Variants in PIEZO2 observed in about 807,000 individuals in gnomAD.
PIEZO2 encodes piezo type mechanosensitive ion channel component 2.
A neutral mutation model predicts 337.3 loss-of-function variants in PIEZO2; 172 were observed. The observed-to-expected ratio is 0.51, with a 90% CI of 0.45 to 0.58. The LOEUF (loss-of-function observed/expected upper bound fraction) is 0.58, where lower values mean the gene tolerates loss of function less well. PIEZO2 is among the 20% of genes least tolerant of loss of function. The pLI is 0.00. For missense variants in PIEZO2, 3,028 were observed against 3,391.3 expected (o/e 0.89, Z 2.66); for synonymous variants, 1,251 against 1,228.5 (o/e 1.02, Z -0.38).
chr18:10,762,008 A>G (rs1438815123), intron 23 of PIEZO2, among the ~76,000 whole-genome samples: 1 of 152,212 alleles, frequency 6.6e-6, no homozygotes, highest in Non-Finnish European at 1.5e-5. Context: ...GATTCTCTTT[A>G]TTAAAAACTA....
At chr18:10,900,043 T>C (rs2043004363) in intron 4 of PIEZO2, among the ~76,000 whole-genome samples, 1 of 152,124 alleles carries the variant, frequency 6.6e-6, no homozygotes, top group African/African-American at 2.4e-5. Flanking sequence ...AGAAGAAAAA[T>C]AGATATTTTC....
In PIEZO2 at chr18:10,878,805, C is replaced by T. The variant is rs961667133; in HGVS notation, c.330-7390G>A. On this transcript the variant is annotated intron_variant, in intron 4 of 55. Transcript: ENST00000674853. This position sits in a 1 kb window ranked among gnomAD's most constrained non-coding sequence, Gnocchi z 4.3. ...TTGAAAAAAAAAAAAAATCACATAA[C>T]CAGAACTACAGAAAGACCTGAAGCA... Among the ~76,000 whole-genome samples, 4 of 150,814 alleles carry T rather than the reference C, an allele frequency of 2.7e-5. No homozygotes were observed. The highest frequency in any genetic ancestry group is 9.8e-5 in the African/African-American group (4 of 40,666).
Position 11,129,743 on chromosome 18 carries a change from T to G in PIEZO2, c.64+18782A>C, listed in dbSNP as rs1457544764. 6.6e-6 allele frequency among the ~76,000 whole-genome samples: 1 copy of G among 152,140 alleles called. No homozygotes were observed. The highest frequency in any genetic ancestry group is 1.5e-5 in the Non-Finnish European group (1 of 68,036). On this transcript the variant is annotated intron_variant, in intron 1 of 55. Transcript: ENST00000674853. This position sits in a 1 kb window ranked among gnomAD's most constrained non-coding sequence, Gnocchi z 4.6. ...CTGTGCATTGAGGAAAGGGAAATGA[T>G]CAGACATTTCAGGGACTACTGGCTC...
At chr18:10,918,217 G>A (rs1208533481) in intron 3 of PIEZO2, among the ~76,000 whole-genome samples, 4 of 152,088 alleles carry the variant, frequency 2.6e-5, no homozygotes, top group Non-Finnish European at 5.9e-5. Flanking sequence ...TTTCCCACAT[G>A]AGGTTCATCA....
intron 3 of PIEZO2, among the ~76,000 whole-genome samples, chr18:10,917,562 G>T (rs957625999): frequency 2.0e-5 from 3 of 152,016 alleles, no homozygotes; most frequent in African/African-American, 7.2e-5. Context: ...TTCCCTCTAG[G>T]TTACCTAATG....
rs945292113 is a variant in PIEZO2 at position 10,797,529 on chromosome 18, G to A, written c.1379-7C>T. ...TCTTCCTCCTCTCGCTTTTCTAGAT[G>A]GACGAATACTTTATTTAACTATTTA... On this transcript the variant is annotated splice_polypyrimidine_tract_variant and splice_region_variant and intron_variant, in intron 11 of 55. Coordinates refer to ENST00000674853, the MANE Select transcript of PIEZO2 (RefSeq NM_001378183.1). 8 of 1,535,500 alleles carry A rather than the reference G, an allele frequency of 5.2e-6. No individual in the cohort carries two copies. In the African/African-American group the frequency reaches 9.6e-5, roughly 18 times the overall value.
At chr18:10,749,770 G>T (rs952570649) in intron 29 of PIEZO2, among the ~76,000 whole-genome samples, 1 of 152,198 alleles carries the variant, frequency 6.6e-6, no homozygotes, top group African/African-American at 2.4e-5. Flanking sequence ...CAGCAGGTTT[G>T]AGTGGGCTTC....
chr18:10,769,591 TA>T (rs1333154145), intron 21 of PIEZO2, among the ~76,000 whole-genome samples: 1 of 152,226 alleles, frequency 6.6e-6, no homozygotes, highest in Non-Finnish European at 1.5e-5. Flanking sequence ...ATTTGTTGAA[TA>T]AAAGGAAAGA....
intron 13 of PIEZO2, chr18:10,791,732 C>T (rs2039417592): frequency 6.6e-6 from 1 of 152,562 alleles, no homozygotes; most frequent in African/African-American, 2.4e-5. Context: ...TGCAATGTTC[C>T]TTATTTTGAA....
Position 11,047,752 on chromosome 18 carries a change from C to A in PIEZO2, c.160+18375G>T, listed in dbSNP as rs1352375005. On this transcript the variant is annotated intron_variant, in intron 2 of 55. Transcript: ENST00000674853. This position sits in a 1 kb window ranked among gnomAD's most constrained non-coding sequence, Gnocchi z 7.2. Reference sequence around the variant, plus strand: ...ACAACAACTAAGAGTATGGCTTTGACAGGTGTCCCTGCATCTTAAAAGAGC... The same window carrying A: ...ACAACAACTAAGAGTATGGCTTTGAAAGGTGTCCCTGCATCTTAAAAGAGC... 1.3e-5 allele frequency among the ~76,000 whole-genome samples: 2 copies of A among 152,136 alleles called. No homozygotes were observed. Among genetic ancestry groups the A allele is most frequent in the African/African-American group, 4.8e-5 (2 of 41,448 alleles).
Position 11,112,908 on chromosome 18 carries a change from A to G in PIEZO2, c.64+35617T>C, listed in dbSNP as rs1000683733. The stretch of plus-strand genomic sequence containing the variant: ...CTCAAACAGTCTCTGGGCCCATCTA[A>G]GACTGCCTCCCAGGGTTTTCTCAGG... On this transcript the variant is annotated intron_variant, in intron 1 of 55. Coordinates refer to ENST00000674853, the MANE Select transcript of PIEZO2 (RefSeq NM_001378183.1). This position sits in a 1 kb window ranked among gnomAD's most constrained non-coding sequence, Gnocchi z 4.3. Among the ~76,000 whole-genome samples, 1 of 152,162 alleles carries G rather than the reference A, an allele frequency of 6.6e-6. No individual in the cohort carries two copies. The highest frequency in any genetic ancestry group is 1.5e-5 in the Non-Finnish European group (1 of 68,034).
At chr18:10,735,673 A>G (rs2036967376) in intron 34 of PIEZO2, among the ~76,000 whole-genome samples, 1 of 152,352 alleles carries the variant, frequency 6.6e-6, no homozygotes, top group African/African-American at 2.4e-5. Flanking sequence ...CCGGTCATGA[A>G]GAAACAGACA....
At position 11,112,014 on chromosome 18, in the gene PIEZO2, TG is replaced by T. The variant is rs1290771694; in HGVS notation, c.64+36510del. 6.6e-6 allele frequency among the ~76,000 whole-genome samples: 1 copy of T among 152,214 alleles called. No homozygotes were observed. The highest frequency in any genetic ancestry group is 1.5e-5 in the Non-Finnish European group (1 of 68,028). ...GGGAAAATGGTAGGGGAGCCGTGAATGAAGTTTCATAGTCCTTTATATTAAT... is the reference window on the plus strand; with the variant it reads ...GGGAAAATGGTAGGGGAGCCGTGAATAAGTTTCATAGTCCTTTATATTAAT... On this transcript the variant is annotated intron_variant, in intron 1 of 55. Transcript: ENST00000674853. This position sits in a 1 kb window ranked among gnomAD's most constrained non-coding sequence, Gnocchi z 4.3.
rs1683370 is a variant in PIEZO2 at position 10,815,368 on chromosome 18, A to G, written c.918-8094T>C. On this transcript the variant is annotated intron_variant, in intron 7 of 55. Transcript: ENST00000674853. The surrounding 1 kb of genome is among the most constrained non-coding windows in gnomAD (Gnocchi z 4.1). ...GATTACCTACGTGACCCTGAGTAGG[A>G]CATTTAACCACTTTAAGCCTCAATT... Among the ~76,000 whole-genome samples the G allele has an allele frequency of 0.21, 31,879 of 152,088 alleles. 3,531 individuals are homozygous for G. The highest frequency in any genetic ancestry group is 0.28 in the African/African-American group (11,531 of 41,482).
intron 30 of PIEZO2, 52 bp from the exon 31 acceptor site, chr18:10,744,283 C>T: frequency 8.5e-7 from 1 of 1,174,760 alleles, no homozygotes; most frequent in South Asian, 1.3e-5. Flanking sequence ...CATTGTTGTT[C>T]CCCTTTTCCT....
At chr18:10,978,466 A>G (rs2145481176) in intron 3 of PIEZO2, among the ~76,000 whole-genome samples, 1 of 152,360 alleles carries the variant, frequency 6.6e-6, no homozygotes, top group South Asian at 2.1e-4. Context: ...ATCTTAAAAA[A>G]TCGTCTTGAT....
intron 39 of PIEZO2, among the ~76,000 whole-genome samples, chr18:10,710,998 C>T (rs1444559155): frequency 6.6e-6 from 1 of 152,172 alleles, no homozygotes; most frequent in East Asian, 1.9e-4. Context: ...TCTAAAGGTG[C>T]TGGTTTCCTA....
intron 3 of PIEZO2, among the ~76,000 whole-genome samples, chr18:10,976,330 A>C (rs1241260079): frequency 6.6e-6 from 1 of 152,248 alleles, no homozygotes; most frequent in Non-Finnish European, 1.5e-5. Flanking sequence ...CTGATGAGCC[A>C]ATGCGATTAC....
intron 2 of PIEZO2, among the ~76,000 whole-genome samples, chr18:10,985,200 A>G (rs1186243055): frequency 6.6e-6 from 1 of 152,118 alleles, no homozygotes; most frequent in African/African-American, 2.4e-5. Context: ...CGTAATGGTG[A>G]TATGTAAATC....
Sources: gnomAD v4.1 joint callset for allele counts (sites outside exome capture counted in the v4.1 genomes callset) on GRCh38, gnomAD v4.1.1 for gene constraint, Gnocchi (gnomAD v3.1) non-coding constraint, MANE v1.5 for transcripts, NCBI Gene and HGNC (gene_info 2026-07-23, HGNC 2026-07-21) for gene names.